The following PCDH7 variants were observed in gnomAD, a reference collection of about 807,000 sequenced individuals.
PCDH7 encodes the protein protocadherin-7.
A neutral mutation model predicts 58.9 loss-of-function variants in PCDH7; 17 were observed. The ratio of observed to expected loss-of-function variants is 0.29; its 90% CI spans 0.20 to 0.43. PCDH7 has a LOEUF of 0.43. PCDH7 is among the 20% of genes least tolerant of loss of function. The pLI is 1.00. For missense variants in PCDH7, 1,274 were observed against 1,441.0 expected, an observed-to-expected ratio of 0.88 and a Z score of 1.88; for synonymous variants, 664 against 616.4, an observed-to-expected ratio of 1.08 and a Z score of -1.14.
chr4:30,825,773 T>A (rs1323671783), intron 1 of PCDH7, among the ~76,000 whole-genome samples: 1 of 96,298 alleles, frequency 1.0e-5, no homozygotes, highest in Non-Finnish European at 2.1e-5. Flanking sequence ...AATGTACTTT[T>A]GTATGGCTAT....
At chr4:30,987,149 A>G (rs1751044246) in intron 3 of PCDH7, among the ~76,000 whole-genome samples, 1 of 152,126 alleles carries the variant, frequency 6.6e-6, no homozygotes, top group African/African-American at 2.4e-5. Context: ...AAGCTAATAC[A>G]TATTATTCTT....
intron 3 of PCDH7, among the ~76,000 whole-genome samples, chr4:31,007,364 C>A (rs1752852400): frequency 6.6e-6 from 1 of 152,174 alleles, no homozygotes; most frequent in African/African-American, 2.4e-5. Context: ...CTGACTGTGA[C>A]TTTGGAGAAT....
chr4:30,753,669 AC>A (rs1718869200), intron 1 of PCDH7, among the ~76,000 whole-genome samples: 1 of 151,904 alleles, frequency 6.6e-6, no homozygotes, highest in African/African-American at 2.4e-5. Context: ...TATTTATTAA[AC>A]CCCTTGACTG....
At chr4:31,007,913 A>C (rs1459637205) in intron 3 of PCDH7, among the ~76,000 whole-genome samples, 1 of 152,172 alleles carries the variant, frequency 6.6e-6, no homozygotes. Flanking sequence ...TACTGCCTGA[A>C]CATGCTTTAC....
At position 30,721,115 on chromosome 4, in the gene PCDH7, C is replaced by G. The variant is rs1256747424; in HGVS notation, c.-308C>G. ...GCCGAACCCGCGGCGCGCAGTGTCC[C>G]GTGAACTGTGAGTACTGCGACTGAA... On this transcript the variant is annotated 5_prime_UTR_variant, in exon 1 of 2. Coordinates refer to ENST00000361762, the Ensembl canonical transcript of PCDH7. This position sits in a 1 kb window ranked among gnomAD's most constrained non-coding sequence, Gnocchi z 6.7. The G allele has an allele frequency of 7.8e-6, 3 of 385,618 alleles. No homozygotes were observed. The highest frequency in any genetic ancestry group is 2.1e-5 in the African/African-American group (1 of 47,494). The allele number at this position is 385,618 out of a possible 1,614,324, so 23.9% of individuals were successfully genotyped here. A position where few individuals can be genotyped will look rare whatever the true frequency, so the allele number is the denominator to read the frequency against.
At chr4:31,013,810 A>T (rs1056366005) in intron 3 of PCDH7, among the ~76,000 whole-genome samples, 5 of 152,148 alleles carry the variant, frequency 3.3e-5, no homozygotes, top group African/African-American at 1.2e-4. Context: ...TAATTTACAT[A>T]TAGAAAAATG....
intron 3 of PCDH7, among the ~76,000 whole-genome samples, chr4:31,002,867 G>T (rs1752464255): frequency 6.6e-6 from 1 of 152,104 alleles, no homozygotes; most frequent in African/African-American, 2.4e-5. Flanking sequence ...TAATTCCCCT[G>T]CTGAGATCAT....
intron 1 of PCDH7, among the ~76,000 whole-genome samples, chr4:30,850,975 A>T (rs1732655446): frequency 6.6e-6 from 1 of 152,014 alleles, no homozygotes; most frequent in Non-Finnish European, 1.5e-5. Context: ...TTCCTCCCTT[A>T]TTCAGACTGC....
exon 1 of PCDH7, chr4:30,724,241 A>T: frequency 1.2e-6 from 2 of 1,613,564 alleles, no homozygotes; most frequent in Non-Finnish European, 1.7e-6. Flanking sequence ...GACAAGAAAA[A>T]CAAAAAATCT....
intron 1 of PCDH7, among the ~76,000 whole-genome samples, chr4:30,782,292 G>A (rs1212648118): frequency 6.6e-6 from 1 of 151,926 alleles, no homozygotes; most frequent in Non-Finnish European, 1.5e-5. Flanking sequence ...TTTGAACTTG[G>A]ATTTAAAAAA....
chr4:31,120,696 T>C (rs1578851898), intron 3 of PCDH7, among the ~76,000 whole-genome samples: 1 of 152,226 alleles, frequency 6.6e-6, no homozygotes, highest in African/African-American at 2.4e-5. Flanking sequence ...TAAGCAAGGG[T>C]AATTAACTTG....
At chr4:30,828,593 T>C (rs976515910) in intron 1 of PCDH7, among the ~76,000 whole-genome samples, 3 of 152,088 alleles carry the variant, frequency 2.0e-5, no homozygotes, top group Admixed American at 1.3e-4. Flanking sequence ...AAAATGTGGT[T>C]TGTAAACCTG....
At position 30,798,028 on chromosome 4, in the gene PCDH7, C is replaced by A. The variant is rs529646057; in HGVS notation, c.70+73432C>A. ...CAGGATCTACTATATTGCTGGAATT[C>A]AGTTGTTACCAAGATAAATGTGTTA... On this transcript the variant is annotated intron_variant, in intron 1 of 3. Coordinates refer to the PCDH7 transcript ENST00000509759. Among the ~76,000 whole-genome samples, 14 of 152,276 alleles carry A rather than the reference C, an allele frequency of 9.2e-5. No homozygotes were observed. The South Asian group carries it at 1.5e-3, about 16-fold the overall frequency.
chr4:30,732,752 A>T (rs1211172797), exon 2 of PCDH7: 1 of 152,112 alleles, frequency 6.6e-6, no homozygotes, highest in Non-Finnish European at 1.5e-5. Context: ...AGACTGGGGT[A>T]GGAAGTTATG....
At chr4:30,807,810 G>A (rs1018502573) in intron 1 of PCDH7, among the ~76,000 whole-genome samples, 4 of 152,002 alleles carry the variant, frequency 2.6e-5, no homozygotes, top group Non-Finnish European at 5.9e-5. Flanking sequence ...CTCATTGATA[G>A]AGAGGGCCCA....
At chr4:30,758,518 C>T (rs967110730) in intron 1 of PCDH7, among the ~76,000 whole-genome samples, 4 of 152,156 alleles carry the variant, frequency 2.6e-5, no homozygotes, top group African/African-American at 9.7e-5. Context: ...AAAAGAGCAT[C>T]GAAGGCTCTT....
chr4:30,740,686 T>C (rs1284933057), intron 1 of PCDH7, among the ~76,000 whole-genome samples: 2 of 152,110 alleles, frequency 1.3e-5, no homozygotes, highest in Non-Finnish European at 2.9e-5. Context: ...TCTTGAGGTT[T>C]TTTTTTAATC....
At chr4:30,737,174 T>G (rs1716422676), downstream of PCDH7, among the ~76,000 whole-genome samples, 1 of 152,166 alleles carries the variant, frequency 6.6e-6, no homozygotes, top group Non-Finnish European at 1.5e-5. Context: ...GAAACTCCTC[T>G]TCTGTCACTT....
chr4:30,813,862 G>T lies in PCDH7; in HGVS notation c.70+89266G>T, dbSNP rs1381287990. ...TGACCATGTTGGCCAGGCTGGTCTC[G>T]AACTCCTGACCTCGTGATCTGCCAG... On this transcript the variant is annotated intron_variant, in intron 1 of 3. Coordinates refer to the PCDH7 transcript ENST00000509759. 2.0e-5 allele frequency among the ~76,000 whole-genome samples: 3 copies of T among 152,056 alleles called. No homozygotes were observed. The East Asian group carries it at 5.8e-4, about 29-fold the overall frequency.
Sources: allele counts gnomAD v4.1 joint callset (sites outside exome capture counted in the v4.1 genomes callset), GRCh38; gene constraint gnomAD v4.1.1; non-coding constraint Gnocchi (gnomAD v3.1); transcripts MANE v1.5; gene names NCBI Gene and HGNC (gene_info 2026-07-23, HGNC 2026-07-21).